Variants in PSD3 observed in about 807,000 individuals in gnomAD.
The protein encoded by PSD3 is pleckstrin and Sec7 domain containing 3.
Under a neutral mutation model 105.5 loss-of-function variants are expected in PSD3, and 49 were observed. The observed-to-expected ratio is 0.46, with a 90% CI of 0.37 to 0.59. PSD3 has a LOEUF of 0.59. PSD3 is among the 20% of genes least tolerant of loss of function. PSD3 has a pLI of 0.00. For missense variants in PSD3, 1,561 were observed against 1,263.8 expected, an observed-to-expected ratio of 1.24 and a Z score of -3.57; for synonymous variants, 557 against 457.8, an observed-to-expected ratio of 1.22 and a Z score of -2.77.
intron 1 of PSD3, among the ~76,000 whole-genome samples, chr8:19,071,802 C>G (rs1281923814): frequency 6.6e-6 from 1 of 151,894 alleles, no homozygotes; most frequent in Admixed American, 6.6e-5. Context: ...CTCCGCCTCC[C>G]AGGTTCAAGA....
intron 9 of PSD3, among the ~76,000 whole-genome samples, chr8:18,740,014 T>C (rs563175298): frequency 6.6e-6 from 1 of 152,290 alleles, no homozygotes; most frequent in East Asian, 1.9e-4. Flanking sequence ...CGTAGTAACT[T>C]TCTTGTGCAT....
chr8:18,985,566 G>C (rs1246663860), intron 1 of PSD3, among the ~76,000 whole-genome samples: 1 of 152,112 alleles, frequency 6.6e-6, no homozygotes, highest in African/African-American at 2.4e-5. Context: ...GAGATACTTG[G>C]GGACTTTATC....
chr8:18,828,232 A>T (rs944173528), intron 4 of PSD3, among the ~76,000 whole-genome samples: 1 of 151,764 alleles, frequency 6.6e-6, no homozygotes, highest in East Asian at 1.9e-4. Flanking sequence ...CTCATACTCC[A>T]GCTTTCTACT....
chr8:18,802,215 T>C (rs923345737), intron 6 of PSD3: 4 of 232,222 alleles, frequency 1.7e-5, no homozygotes, highest in East Asian at 9.1e-5. Flanking sequence ...ATAATGGAAT[T>C]AGTTTATGTA....
At chr8:18,769,115 C>T (rs951620879) in intron 8 of PSD3, among the ~76,000 whole-genome samples, 3 of 152,122 alleles carry the variant, frequency 2.0e-5, no homozygotes, top group Non-Finnish European at 2.9e-5. Flanking sequence ...ATAACACATA[C>T]AATGAACAGT....
At chr8:19,056,554 T>C (rs1180714811) in intron 1 of PSD3, among the ~76,000 whole-genome samples, 1 of 152,228 alleles carries the variant, frequency 6.6e-6, no homozygotes, top group Admixed American at 6.5e-5. Flanking sequence ...GTTGCTATCA[T>C]TTCCAAATTT....
upstream of PSD3, among the ~76,000 whole-genome samples, chr8:19,017,998 A>C (rs1827230985): frequency 6.6e-6 from 1 of 152,024 alleles, no homozygotes; most frequent in African/African-American, 2.4e-5. Context: ...TGGCCGCACC[A>C]CTCTACATTC....
chr8:18,978,514 C>A (rs1404306351), intron 1 of PSD3, among the ~76,000 whole-genome samples: 1 of 152,152 alleles, frequency 6.6e-6, no homozygotes, highest in Non-Finnish European at 1.5e-5. Context: ...TTTCAATTTG[C>A]CCCTCCTCTC....
chr8:18,841,695 A>C lies in PSD3; in HGVS notation c.1634+25979T>G, dbSNP rs552655414. Among the ~76,000 whole-genome samples, 26 of 152,258 alleles carry C rather than the reference A, an allele frequency of 1.7e-4. No homozygotes were observed. In the South Asian group the frequency reaches 5.4e-3, roughly 32 times the overall value. ...TAATGAAGATAGCCAAAATTCTTTG[A>C]GTTTTCAAGAGACCTCCATCTGGCG... On this transcript the variant is annotated intron_variant, in intron 4 of 15. Transcript: ENST00000327040.
intron 3 of PSD3, among the ~76,000 whole-genome samples, chr8:18,868,842 T>A (rs1159619902): frequency 6.6e-6 from 1 of 152,006 alleles, no homozygotes; most frequent in Non-Finnish European, 1.5e-5. Flanking sequence ...GAGCAAGAGG[T>A]CAAGAGTTAG....
intron 11 of PSD3, among the ~76,000 whole-genome samples, chr8:18,615,145 G>A (rs139485750): frequency 4.6e-5 from 7 of 151,616 alleles, no homozygotes; most frequent in African/African-American, 9.7e-5. Flanking sequence ...AACCTTTTTC[G>A]ATTACCTACT....
intron 1 of PSD3, among the ~76,000 whole-genome samples, chr8:19,062,846 A>C (rs1054096838): frequency 6.6e-6 from 1 of 152,218 alleles, no homozygotes; most frequent in Non-Finnish European, 1.5e-5. Flanking sequence ...TGAAATATCA[A>C]TCTTTTTGCA....
At chr8:18,872,835 T>C in intron 2 of PSD3, 102 bp from the exon 3 acceptor site, 1 of 1,140,148 alleles carries the variant, frequency 8.8e-7, no homozygotes, top group Non-Finnish European at 1.2e-6. Context: ...TAATACTTAT[T>C]AACTTGATTA....
intron 1 of PSD3, among the ~76,000 whole-genome samples, chr8:19,079,474 T>C (rs1002289269): frequency 4.6e-5 from 7 of 152,212 alleles, no homozygotes; most frequent in Non-Finnish European, 1.0e-4. Context: ...AGAATTAATA[T>C]AAAGACAGAA....
chr8:18,927,197 G>T (rs754385074), intron 2 of PSD3, among the ~76,000 whole-genome samples: 1 of 152,070 alleles, frequency 6.6e-6, no homozygotes, highest in African/African-American at 2.4e-5. Context: ...CCTCTCAAAC[G>T]CTGTCCTTTC....
At chr8:18,546,102 G>T (rs994020961) in intron 15 of PSD3, among the ~76,000 whole-genome samples, 2 of 152,104 alleles carry the variant, frequency 1.3e-5, no homozygotes, top group African/African-American at 4.8e-5. Flanking sequence ...CCAGGTTCAC[G>T]CAATTCTCCT....
intron 4 of PSD3, among the ~76,000 whole-genome samples, chr8:18,832,472 C>T (rs75213650): frequency 1.4e-4 from 21 of 152,278 alleles, no homozygotes; most frequent in Middle Eastern, 3.4e-3. Flanking sequence ...AATTTCCCTA[C>T]GCCGCTACTT....
At chr8:18,760,195 A>G (rs1157209494) in intron 9 of PSD3, among the ~76,000 whole-genome samples, 2 of 152,126 alleles carry the variant, frequency 1.3e-5, no homozygotes, top group African/African-American at 2.4e-5. Context: ...TTGAGTACAC[A>G]TACATACTGT....
At chr8:18,826,763 CA>C (rs1353719156) in intron 4 of PSD3, among the ~76,000 whole-genome samples, 2 of 152,190 alleles carry the variant, frequency 1.3e-5, no homozygotes, top group Non-Finnish European at 2.9e-5. Flanking sequence ...CACCCAGGAT[CA>C]ACTTTCATTT....
Sources: allele counts gnomAD v4.1 joint callset (sites outside exome capture counted in the v4.1 genomes callset), GRCh38; gene constraint gnomAD v4.1.1; transcripts MANE v1.5; gene names NCBI Gene and HGNC (gene_info 2026-07-23, HGNC 2026-07-21).